The following SYNE1 variants were observed in gnomAD, a reference collection of about 807,000 sequenced individuals.
SYNE1 encodes nesprin-1.
Under a neutral mutation model 1,111.0 loss-of-function variants are expected in SYNE1, and 616 were observed. That is an observed-to-expected ratio of 0.55 (90% CI 0.52 to 0.59). The LOEUF (loss-of-function observed/expected upper bound fraction) is 0.59. Ranked by LOEUF, SYNE1 falls within the 20% of genes least tolerant of loss-of-function variation. SYNE1 has a pLI of 0.00. For missense variants in SYNE1, 10,006 were observed against 10,417.0 expected, an observed-to-expected ratio of 0.96 and a Z score of 1.72; for synonymous variants, 3,855 against 3,825.8, an observed-to-expected ratio of 1.01 and a Z score of -0.28.
intron 143 of SYNE1, among the ~76,000 whole-genome samples, chr6:152,132,987 G>A (rs548865345): frequency 1.3e-5 from 2 of 151,806 alleles, no homozygotes; most frequent in Non-Finnish European, 2.9e-5. Context: ...ATTAAAGTGT[G>A]TAAATTCTTA....
At position 152,139,953 on chromosome 6, in the gene SYNE1, G is replaced by A; in HGVS notation, c.25455C>T (p.Leu8485=). 2.5e-6 allele frequency: 4 copies of A among 1,613,322 alleles called. No individual in the cohort carries two copies. The highest frequency in any genetic ancestry group is 2.5e-6 in the Non-Finnish European group (3 of 1,180,026). ...IQTIELQIKK[L]KELQKAVDHR... is the part of the protein sequence containing the mutation. ...GGGAAAGGCAAGGGGCAGCTACCTTGAGCTTTTTGATCTGGAGCTCGATGG... is the reference window on the plus strand; with the variant it reads ...GGGAAAGGCAAGGGGCAGCTACCTTAAGCTTTTTGATCTGGAGCTCGATGG... Residue 8485 remains leucine (L), a synonymous_variant, in exon 140 of 146, where the codon CTC becomes CTT. Coordinates refer to ENST00000367255, the MANE Select transcript of SYNE1 (RefSeq NM_182961.4).
At position 152,218,384 on chromosome 6, in the gene SYNE1, T is replaced by C; in HGVS notation, c.22064A>G (p.Glu7355Gly). 6.2e-7 allele frequency: 1 copy of C among 1,613,974 alleles called. No individual in the cohort carries two copies. The highest frequency in any genetic ancestry group is 8.5e-7 in the Non-Finnish European group (1 of 1,179,950). The stretch of plus-strand genomic sequence containing the variant: ...AGCTTCTAAACTCTTGGCAAAGGTT[T>C]CATAATCAAGAACTCCAGCCTTTTT... The part of the protein sequence containing the change: ...TSLQAGVLDY[E>G]TFAKSLEALE... The change falls in exon 121 of 146, where the codon GAA becomes GGA. Residue 7355 changes from glutamate to glycine, a missense_variant. Physicochemically the swap from Glu to Gly is moderately conservative, Grantham distance 98. This residue lies in a region of SYNE1 where 2,182 missense variants were observed against 2,287.8 expected (regional missense o/e 0.95). Coordinates refer to ENST00000367255, the MANE Select transcript of SYNE1 (RefSeq NM_182961.4).
chr6:152,498,124 T>C (rs1420726353), intron 11 of SYNE1, among the ~76,000 whole-genome samples: 1 of 152,186 alleles, frequency 6.6e-6, no homozygotes, highest in East Asian at 1.9e-4. Flanking sequence ...AATACAAATA[T>C]CCTTAACCTG....
At chr6:152,566,710 C>G (rs1378260820) in intron 3 of SYNE1, among the ~76,000 whole-genome samples, 1 of 152,140 alleles carries the variant, frequency 6.6e-6, no homozygotes, top group Non-Finnish European at 1.5e-5. Context: ...TATAGGATTA[C>G]TCCACCTAGA....
intron 101 of SYNE1, 79 bp from the exon 102 acceptor site, chr6:152,256,844 A>G: frequency 6.3e-7 from 1 of 1,584,460 alleles, no homozygotes; most frequent in Admixed American, 1.7e-5. Flanking sequence ...GCATACTGAA[A>G]TAGATGCTGA....
intron 3 of SYNE1, among the ~76,000 whole-genome samples, chr6:152,586,541 TA>T (rs201627489): frequency 0.022 from 3,296 of 152,156 alleles, 123 homozygotes; most frequent in African/African-American, 0.075. Context: ...CACTTCTAAT[TA>T]TTTTTGTTAT....
Position 152,180,123 on chromosome 6 carries a change from A to C in SYNE1, c.23460+13T>G, listed in dbSNP as rs1206846656. On this transcript the variant is annotated intron_variant, in intron 129 of 145. Transcript: ENST00000367255. ...ATGAAGAATGAAAACCTAAGTAGCC[A>C]TGCATTCCATACCTTCTTGAGCTTC... 2 of 1,614,028 alleles carry C rather than the reference A, an allele frequency of 1.2e-6. No homozygotes were observed. Among genetic ancestry groups the C allele is most frequent in the Admixed American group, 1.7e-5 (1 of 60,026 alleles).
chr6:152,509,574 A>G (rs1047768326), intron 8 of SYNE1, among the ~76,000 whole-genome samples: 1 of 151,980 alleles, frequency 6.6e-6, no homozygotes, highest in African/African-American at 2.4e-5. Context: ...GTCATTTTCT[A>G]TCCACTATTA....
At position 152,385,699 on chromosome 6, in the gene SYNE1, G is replaced by A; in HGVS notation, c.8627C>T (p.Thr2876Ile). 6.2e-7 allele frequency: 1 copy of A among 1,614,032 alleles called. No homozygotes were observed. The highest frequency in any genetic ancestry group is 2.2e-5 in the East Asian group (1 of 44,856). The part of the protein sequence containing the change: ...WSDMSGDSSA[T>I]QKKLSKIKEL... ...CTTAATTTTTGATAACTTTTTCTGG[G>A]TGGCTGATGAATCTCCAGACATATC... is the stretch of plus-strand genomic sequence containing the variant. Residue 2876 changes from threonine to isoleucine, a missense_variant, in exon 55 of 146, where the codon ACC becomes ATC. Transcript: ENST00000367255.
intron 107 of SYNE1, among the ~76,000 whole-genome samples, chr6:152,241,309 G>A (rs1327094972): frequency 2.0e-5 from 3 of 151,898 alleles, no homozygotes; most frequent in South Asian, 2.1e-4. Flanking sequence ...AAATAGGAAC[G>A]ACAATTTGAA....
At chr6:152,150,194 AAAAC>A (rs1170256946) in intron 135 of SYNE1, among the ~76,000 whole-genome samples, 15 of 152,336 alleles carry the variant, frequency 9.8e-5, no homozygotes, top group African/African-American at 3.4e-4. Flanking sequence ...TATGATTTGA[AAAAC>A]AAGGAATTCC....
intron 5 of SYNE1, among the ~76,000 whole-genome samples, chr6:152,522,505 G>A (rs755579094): frequency 6.6e-6 from 1 of 152,090 alleles, no homozygotes; most frequent in South Asian, 2.1e-4. Flanking sequence ...ATTGTGAATT[G>A]TGCTGCTATA....
chr6:152,329,475 C>T (rs978225906), intron 78 of SYNE1, among the ~76,000 whole-genome samples: 13 of 152,140 alleles, frequency 8.5e-5, no homozygotes, highest in East Asian at 1.9e-4. Flanking sequence ...TGCAGTAAGC[C>T]GAGATTGCAC....
intron 3 of SYNE1, among the ~76,000 whole-genome samples, chr6:152,542,132 T>C (rs2128024113): frequency 6.6e-6 from 1 of 152,330 alleles, no homozygotes; most frequent in South Asian, 2.1e-4. Flanking sequence ...TGAGGGATGA[T>C]ACCCAAATCT....
chr6:152,251,753 C>T (rs1395285177), intron 104 of SYNE1, among the ~76,000 whole-genome samples: 2 of 151,094 alleles, frequency 1.3e-5, no homozygotes, highest in Admixed American at 6.6e-5. Flanking sequence ...AGCGAGACTC[C>T]GTCTCAAAAA....
At chr6:152,368,748 G>A in intron 61 of SYNE1, 2 of 576,480 alleles carry the variant, frequency 3.5e-6, no homozygotes, top group South Asian at 3.9e-5. Context: ...CTCAATCTTT[G>A]AAACCTCCTT....
intron 63 of SYNE1, among the ~76,000 whole-genome samples, chr6:152,364,185 T>C (rs1232443427): frequency 6.6e-6 from 1 of 152,178 alleles, no homozygotes; most frequent in Non-Finnish European, 1.5e-5. Context: ...AAGAAGGATG[T>C]GTTTGCTTCC....
intron 42 of SYNE1, among the ~76,000 whole-genome samples, chr6:152,412,675 C>G (rs2098082618): frequency 6.6e-6 from 1 of 151,992 alleles, no homozygotes; most frequent in South Asian, 2.1e-4. Flanking sequence ...ATAAGTTTGT[C>G]AAAACTGATA....
intron 56 of SYNE1, chr6:152,380,673 G>T: frequency 3.0e-6 from 1 of 337,830 alleles, no homozygotes; most frequent in East Asian, 7.9e-5. Flanking sequence ...ATGACTCTCT[G>T]TCTATTTATG....
Sources: allele counts gnomAD v4.1 joint callset (sites outside exome capture counted in the v4.1 genomes callset), GRCh38; gene constraint gnomAD v4.1.1; regional missense constraint gnomAD v4.1.1; transcripts MANE v1.5; gene names NCBI Gene and HGNC (gene_info 2026-07-23, HGNC 2026-07-21).